The following DDX6 variants were observed in gnomAD, a reference collection of about 807,000 sequenced individuals.
DDX6 encodes probable ATP-dependent RNA helicase DDX6.
DDX6 carries 7 observed loss-of-function variants against 60.6 expected under a neutral mutation model. That is an observed-to-expected ratio of 0.12 (90% CI 0.07 to 0.22). The LOEUF (loss-of-function observed/expected upper bound fraction) is 0.22, where lower values mean the gene tolerates loss of function less well. DDX6 is among the 10% of genes least tolerant of loss of function. DDX6 has a pLI of 1.00. For missense variants in DDX6, 270 were observed against 589.9 expected (o/e 0.46, Z 5.62); for synonymous variants, 207 against 201.0 (o/e 1.03, Z -0.25).
rs547751206 is a variant in DDX6 at position 118,776,519 on chromosome 11, C to T, written c.369+3113G>A. Among the ~76,000 whole-genome samples the T allele has an allele frequency of 2.6e-5, 4 of 152,244 alleles. No homozygotes were observed. In the South Asian group the frequency reaches 8.3e-4, roughly 32 times the overall value. On this transcript the variant is annotated intron_variant, in intron 4 of 13. Coordinates refer to ENST00000534980, the MANE Select transcript of DDX6 (RefSeq NM_004397.6). ...GAGATAAAAGTTGAATGATGCAGTT[C>T]CTACTGTAAAGGAACTCTCATAAGA...
rs1331147651 is a variant in DDX6 at position 118,786,206 on chromosome 11, T to C, written c.46A>G (p.Ser16Gly). The C allele has an allele frequency of 6.2e-7, 1 of 1,613,812 alleles. No individual in the cohort carries two copies. The highest frequency in any genetic ancestry group is 8.5e-7 in the Non-Finnish European group (1 of 1,179,862). Residue 16 changes from serine to glycine, a missense_variant, in exon 2 of 14, where the codon AGT (serine) becomes GGT (glycine). By Grantham distance (56) the Ser-to-Gly change is moderately conservative. Around this residue, in one of 8 missense-constraint regions of DDX6, gnomAD observed 102 missense variants for 110.5 expected, o/e 0.92. Coordinates refer to ENST00000534980, the MANE Select transcript of DDX6 (RefSeq NM_004397.6). The part of the protein sequence containing the change: ...TENPVIMGLS[S>G]QNGQLRGPVK... The stretch of plus-strand genomic sequence containing the variant: ...GGGCCTCTCAGCTGACCATTTTGAC[T>C]GGACAGACCCATTATAACAGGGTTC...
intron 5 of DDX6, among the ~76,000 whole-genome samples, chr11:118,767,094 C>T (rs997536388): frequency 1.3e-5 from 2 of 151,864 alleles, no homozygotes; most frequent in South Asian, 2.1e-4. Flanking sequence ...ACCATGTTAG[C>T]GAGGCTGGTC....
At chr11:118,765,178 G>A in intron 6 of DDX6, 31 bp downstream of exon 6, 1 of 1,606,970 alleles carries the variant, frequency 6.2e-7, no homozygotes, top group Admixed American at 1.7e-5. Flanking sequence ...ATAACAGAGA[G>A]CTACACTACC....
At chr11:118,775,901 CAGG>C (rs1460447475) in intron 4 of DDX6, among the ~76,000 whole-genome samples, 2 of 152,134 alleles carry the variant, frequency 1.3e-5, no homozygotes, top group Admixed American at 6.6e-5. Flanking sequence ...GAAGCCAAGG[CAGG>C]AGGACTGCTT....
chr11:118,783,849 C>T (rs1427107569), intron 2 of DDX6, among the ~76,000 whole-genome samples: 1 of 143,778 alleles, frequency 7.0e-6, no homozygotes, highest in Non-Finnish European at 1.5e-5. Flanking sequence ...GGCGCAGTGG[C>T]TCACATGTGT....
intron 4 of DDX6, among the ~76,000 whole-genome samples, chr11:118,777,546 A>G (rs767393586): frequency 2.3e-4 from 35 of 152,160 alleles, no homozygotes; most frequent in Non-Finnish European, 4.7e-4. Context: ...TTGGATGCCA[A>G]TGCTGGGCCA....
intron 5 of DDX6, chr11:118,767,966 A>AT (rs1252340316): frequency 1.8e-5 from 6 of 340,730 alleles, no homozygotes; most frequent in Non-Finnish European, 2.7e-5. Flanking sequence ...ACTAATACTT[A>AT]TTTTTCCTGT....
At chr11:118,771,334 A>G (rs182961268) in intron 4 of DDX6, among the ~76,000 whole-genome samples, 9 of 152,330 alleles carry the variant, frequency 5.9e-5, no homozygotes, top group Admixed American at 5.9e-4. Context: ...GACTTGATTA[A>G]GGCCATTGAC....
chr11:118,766,475 C>A (rs1433321498), intron 5 of DDX6, among the ~76,000 whole-genome samples: 2 of 152,112 alleles, frequency 1.3e-5, no homozygotes, highest in African/African-American at 4.8e-5. Context: ...AAAGTTGAAT[C>A]ATTACACAGG....
At chr11:118,779,553 T>C in intron 4 of DDX6, 79 bp downstream of exon 4, 4 of 867,516 alleles carry the variant, frequency 4.6e-6, no homozygotes, top group Non-Finnish European at 7.2e-6. Context: ...GTTCACTGTA[T>C]CACTTCTGCA....
chr11:118,767,950 T>C (rs782054392), intron 5 of DDX6: 7 of 286,758 alleles, frequency 2.4e-5, no homozygotes, highest in Non-Finnish European at 4.0e-5. Flanking sequence ...TTCCTACCTA[T>C]AGGGCACTAA....
At chr11:118,774,212 TAA>T (rs1861625757) in intron 4 of DDX6, among the ~76,000 whole-genome samples, 1 of 152,120 alleles carries the variant, frequency 6.6e-6, no homozygotes, top group African/African-American at 2.4e-5. Context: ...AAAGTTAATA[TAA>T]AGTTTCAAAT....
At chr11:118,780,568 C>T (rs922647830) in intron 3 of DDX6, among the ~76,000 whole-genome samples, 16 of 152,158 alleles carry the variant, frequency 1.1e-4, no homozygotes, top group Non-Finnish European at 2.9e-5. Context: ...CCGCCTGCCT[C>T]GGCCTCCCAA....
intron 5 of DDX6, among the ~76,000 whole-genome samples, chr11:118,767,133 T>C (rs1861380691): frequency 6.7e-6 from 1 of 148,556 alleles, no homozygotes; most frequent in Admixed American, 6.7e-5. Context: ...GTGATCTGCC[T>C]TGCCTCGGCC....
chr11:118,769,009 A>AAAAAAAG (rs1861447668), intron 4 of DDX6, among the ~76,000 whole-genome samples: 1 of 149,628 alleles, frequency 6.7e-6, no homozygotes, highest in African/African-American at 2.5e-5. Flanking sequence ...AAAAAAAAAA[A>AAAAAAAG]GGCTAGATAC....
chr11:118,779,871 T>C (rs1861829710), intron 3 of DDX6, 135 bp from the exon 4 acceptor site: 1 of 611,738 alleles, frequency 1.6e-6, no homozygotes. Flanking sequence ...ATCCCAGCAC[T>C]TTGGGAGGCC....
intron 4 of DDX6, among the ~76,000 whole-genome samples, chr11:118,778,119 G>A (rs1861767726): frequency 6.6e-6 from 1 of 151,984 alleles, no homozygotes; most frequent in Admixed American, 6.6e-5. Flanking sequence ...CTTCTTTATA[G>A]GGGCAAATAC....
intron 4 of DDX6, among the ~76,000 whole-genome samples, chr11:118,775,408 G>T (rs1555163411): frequency 6.6e-6 from 1 of 152,054 alleles, no homozygotes; most frequent in East Asian, 1.9e-4. Context: ...TTTACTAGGG[G>T]ATCTGTAAAT....
intron 2 of DDX6, among the ~76,000 whole-genome samples, chr11:118,781,999 G>A (rs1861915105): frequency 6.6e-6 from 1 of 151,898 alleles, no homozygotes; most frequent in Admixed American, 6.6e-5. Flanking sequence ...GATCACCTGA[G>A]GTCAGGAGTT....
Sources: allele counts gnomAD v4.1 joint callset (sites outside exome capture counted in the v4.1 genomes callset), GRCh38; gene constraint gnomAD v4.1.1; regional missense constraint gnomAD v4.1.1; transcripts MANE v1.5; gene names NCBI Gene and HGNC (gene_info 2026-07-23, HGNC 2026-07-21).